Variants in LRP1B observed in about 807,000 individuals in gnomAD.
LRP1B encodes the protein LDL receptor related protein 1B.
In LRP1B, 217 loss-of-function variants were observed where a neutral mutation model predicts 556.6. The observed-to-expected ratio is 0.39, with a 90% CI of 0.35 to 0.44. The LOEUF is 0.44. LRP1B is among the 20% of genes least tolerant of loss of function. The probability of loss-of-function intolerance (pLI) is 1.00; values close to 1 mark genes in which losing one functional copy is unlikely to be tolerated. For synonymous variants in LRP1B, 2,047 were observed against 1,865.8 expected (o/e 1.10, Z -2.50); for missense variants, 5,053 against 5,620.8 (o/e 0.90, Z 3.23).
At chr2:142,111,121 G>A (rs995035622) in intron 1 of LRP1B, among the ~76,000 whole-genome samples, 3 of 152,024 alleles carry the variant, frequency 2.0e-5, no homozygotes, top group Admixed American at 6.6e-5. Context: ...GCCCACTGTG[G>A]GCAAAACTGG....
intron 3 of LRP1B, among the ~76,000 whole-genome samples, chr2:141,302,474 A>G (rs996847438): frequency 6.6e-6 from 1 of 152,146 alleles, no homozygotes; most frequent in Non-Finnish European, 1.5e-5. Context: ...ATTCTTAACT[A>G]TATTGAAAAT....
chr2:141,736,010 A>G (rs1223257174), intron 2 of LRP1B, among the ~76,000 whole-genome samples: 2 of 152,152 alleles, frequency 1.3e-5, no homozygotes, highest in Non-Finnish European at 2.9e-5. Flanking sequence ...TCTCAAGTCA[A>G]AGACTGAAAG....
At chr2:142,129,113 G>A (rs1483983346) in intron 1 of LRP1B, among the ~76,000 whole-genome samples, 1 of 152,162 alleles carries the variant, frequency 6.6e-6, no homozygotes, top group Non-Finnish European at 1.5e-5. Flanking sequence ...CTGTTCATCT[G>A]CTCTGGTCCA....
chr2:141,449,194 C>T (rs1214844716), intron 3 of LRP1B, among the ~76,000 whole-genome samples: 1 of 152,174 alleles, frequency 6.6e-6, no homozygotes, highest in Non-Finnish European at 1.5e-5. Context: ...TGTATTAAGA[C>T]TAATCTGCGC....
At chr2:141,116,174 A>T (rs2104982239) in intron 7 of LRP1B, among the ~76,000 whole-genome samples, 1 of 152,302 alleles carries the variant, frequency 6.6e-6, no homozygotes, top group African/African-American at 2.4e-5. Flanking sequence ...ACTGTATAAT[A>T]CATTCATATA....
chr2:141,009,498 A>C (rs1483316796), intron 14 of LRP1B, among the ~76,000 whole-genome samples: 1 of 151,932 alleles, frequency 6.6e-6, no homozygotes, highest in Non-Finnish European at 1.5e-5. Context: ...CTATATTAAG[A>C]TACTCCTTTG....
intron 2 of LRP1B, among the ~76,000 whole-genome samples, chr2:141,671,667 C>T (rs1299792840): frequency 1.3e-5 from 2 of 152,032 alleles, no homozygotes; most frequent in Non-Finnish European, 2.9e-5. Context: ...TAACTCTGAC[C>T]TTAAACCATC....
At chr2:141,535,001 CT>C (rs1258817256) in intron 2 of LRP1B, among the ~76,000 whole-genome samples, 1 of 152,090 alleles carries the variant, frequency 6.6e-6, no homozygotes, top group Non-Finnish European at 1.5e-5. Flanking sequence ...TTATGACTTC[CT>C]TTTTAAGGCC....
At chr2:140,600,766 G>T (rs1377983221) in intron 42 of LRP1B, among the ~76,000 whole-genome samples, 1 of 46,174 alleles carries the variant, frequency 2.2e-5, no homozygotes, top group South Asian at 6.1e-4. Flanking sequence ...TGTTCTTCGG[G>T]GTTTTTTTTT....
intron 63 of LRP1B, 121 bp downstream of exon 63, chr2:140,450,447 T>G (rs1478586615): frequency 2.7e-6 from 2 of 731,420 alleles, no homozygotes; most frequent in African/African-American, 3.6e-5. Context: ...CATTTAAAAT[T>G]TTTCTATTTC....
intron 41 of LRP1B, among the ~76,000 whole-genome samples, chr2:140,674,027 C>A (rs1326498723): frequency 1.3e-5 from 2 of 151,384 alleles, no homozygotes; most frequent in Non-Finnish European, 2.9e-5. Context: ...TGGCTCACTG[C>A]AACCTCTGCC....
intron 43 of LRP1B, among the ~76,000 whole-genome samples, chr2:140,583,162 CTTTTTTTTCTTTT>C (rs1681840986): frequency 5.6e-5 from 6 of 107,814 alleles, no homozygotes; most frequent in African/African-American, 8.1e-5. Context: ...ACAGTTTCTC[CTTTTTTTTCTTTT>C]TTTTTTTTTT....
chr2:140,272,258 A>AACACACACACACACAC (rs10654741), intron 85 of LRP1B, among the ~76,000 whole-genome samples: 117 of 149,428 alleles, frequency 7.8e-4, no homozygotes, highest in East Asian at 6.9e-3. Flanking sequence ...TGCACACACA[A>AACACACACACACACAC]ACACACACAC....
chr2:141,714,447 C>CCT (rs1553453021), intron 2 of LRP1B, among the ~76,000 whole-genome samples: 24 of 135,014 alleles, frequency 1.8e-4, no homozygotes, highest in Admixed American at 1.7e-3. Context: ...TCTCTGTAGG[C>CCT]TCTTTTTTTT....
At chr2:141,843,843 G>A (rs1013626087) in intron 1 of LRP1B, among the ~76,000 whole-genome samples, 1 of 152,092 alleles carries the variant, frequency 6.6e-6, no homozygotes, top group Middle Eastern at 3.2e-3. Flanking sequence ...GAGGCAGTCA[G>A]TATGAGTGGA....
chr2:141,767,507 T>C (rs1324777213), intron 2 of LRP1B, among the ~76,000 whole-genome samples: 1 of 152,160 alleles, frequency 6.6e-6, no homozygotes, highest in East Asian at 1.9e-4. Context: ...ATTTGTCAGA[T>C]TTGATGAATA....
intron 7 of LRP1B, among the ~76,000 whole-genome samples, chr2:141,179,194 C>T (rs1035099681): frequency 2.0e-5 from 3 of 151,822 alleles, no homozygotes; most frequent in African/African-American, 7.3e-5. Flanking sequence ...AATTTGGAGG[C>T]TTTTTGATCA....
intron 82 of LRP1B, among the ~76,000 whole-genome samples, chr2:140,319,277 A>C (rs1415383684): frequency 6.6e-6 from 1 of 152,148 alleles, no homozygotes; most frequent in Non-Finnish European, 1.5e-5. Flanking sequence ...AATACTTGTA[A>C]CATCAGAGCC....
chr2:140,923,006 C>T lies in LRP1B; in HGVS notation c.3278G>A (p.Arg1093Gln), dbSNP rs1694785390. Reference sequence around the variant, plus strand: ...AAACTTGGTTTTGTGGTCACACAATCGTATGGTACCATTGCAACCTTTTTC... The same window carrying T: ...AAACTTGGTTTTGTGGTCACACAATTGTATGGTACCATTGCAACCTTTTTC... ...SDEKGCNGTI[R>Q]LCDHKTKFSC... The change falls in exon 21 of 91, where the codon CGA (arginine) becomes CAA (glutamine). Residue 1093 changes from arginine to glutamine, a missense_variant. This residue lies in a region of LRP1B where 3,619 missense variants were observed against 3,931.9 expected (regional missense o/e 0.92). Transcript: ENST00000389484. 1 of 1,612,678 alleles carries T rather than the reference C, an allele frequency of 6.2e-7. No homozygotes were observed. The highest frequency in any genetic ancestry group is 2.2e-5 in the East Asian group (1 of 44,838).
Sources: allele counts gnomAD v4.1 joint callset (sites outside exome capture counted in the v4.1 genomes callset), GRCh38; gene constraint gnomAD v4.1.1; regional missense constraint gnomAD v4.1.1; transcripts MANE v1.5; gene names NCBI Gene and HGNC (gene_info 2026-07-23, HGNC 2026-07-21).